The following NUMB variants were observed in gnomAD, a reference collection of about 807,000 sequenced individuals.
The protein encoded by NUMB is NUMB endocytic adaptor protein.
A neutral mutation model predicts 59.7 loss-of-function variants in NUMB; 29 were observed. That is an observed-to-expected ratio of 0.49 (90% CI 0.36 to 0.66). NUMB has a LOEUF of 0.66. NUMB is among the 30% of genes least tolerant of loss of function. The pLI is 0.00. For missense variants in NUMB, 723 were observed against 822.0 expected, an observed-to-expected ratio of 0.88 and a Z score of 1.47; for synonymous variants, 288 against 288.2, an observed-to-expected ratio of 1.00 and a Z score of 0.01.
At chr14:73,444,684 C>T (rs1041514424) in intron 1 of NUMB, among the ~76,000 whole-genome samples, 1 of 151,430 alleles carries the variant, frequency 6.6e-6, no homozygotes, top group African/African-American at 2.4e-5. Context: ...ATGGTGAAAC[C>T]CATCTCTACT....
At chr14:73,423,950 A>G (rs1897467615) in intron 1 of NUMB, among the ~76,000 whole-genome samples, 1 of 126,880 alleles carries the variant, frequency 7.9e-6, no homozygotes, top group African/African-American at 3.1e-5. Context: ...TGGGTGACAG[A>G]GTGAGACCCT....
intron 2 of NUMB, among the ~76,000 whole-genome samples, chr14:73,391,707 C>T (rs1895862005): frequency 6.6e-6 from 1 of 152,088 alleles, no homozygotes; most frequent in African/African-American, 2.4e-5. Flanking sequence ...ACTAACAAGC[C>T]CCTAGATGGT....
chr14:73,393,000 C>A (rs1361985679), intron 2 of NUMB, among the ~76,000 whole-genome samples: 1 of 152,040 alleles, frequency 6.6e-6, no homozygotes, highest in African/African-American at 2.4e-5. Flanking sequence ...ACGTCAGATT[C>A]TGCAAGAAGG....
chr14:73,354,294 A>G (rs1372872529), intron 4 of NUMB, among the ~76,000 whole-genome samples: 1 of 152,074 alleles, frequency 6.6e-6, no homozygotes, highest in African/African-American at 2.4e-5. Context: ...AGATCACTTG[A>G]GGTCAGGAGT....
chr14:73,327,984 TATC>T (rs1415268339), intron 4 of NUMB, among the ~76,000 whole-genome samples: 1 of 152,112 alleles, frequency 6.6e-6, no homozygotes, highest in African/African-American at 2.4e-5. Context: ...TTTAAAGAAT[TATC>T]ATATTGGCTG....
intron 1 of NUMB, among the ~76,000 whole-genome samples, chr14:73,446,169 G>A (rs1352462848): frequency 6.6e-6 from 1 of 151,374 alleles, no homozygotes; most frequent in African/African-American, 2.4e-5. Context: ...GCTAATTTTT[G>A]TATTTTTAGT....
rs1888089254 is a variant in NUMB, at chr14:73,275,437, T to TC, written c.*1140dup. 6.6e-6 allele frequency: 1 copy of TC among 151,786 alleles called. No homozygotes were observed. Among genetic ancestry groups the TC allele is most frequent in the Non-Finnish European group, 1.5e-5 (1 of 67,888 alleles). The allele number at this position is 151,786 out of a possible 1,614,324, so 9.4% of individuals were successfully genotyped here. On this transcript the variant is annotated 3_prime_UTR_variant, in exon 13 of 13. Coordinates refer to ENST00000555238, the MANE Select transcript of NUMB (RefSeq NM_001005743.2). The stretch of plus-strand genomic sequence containing the variant: ...ACACACAAAGCTAATAAAACCAGAA[T>TC]CCCCATCCCCACAAAACTCATGGGA...
intron 3 of NUMB, among the ~76,000 whole-genome samples, chr14:73,361,418 C>T (rs1042811136): frequency 4.6e-5 from 7 of 152,062 alleles, no homozygotes; most frequent in African/African-American, 1.7e-4. Flanking sequence ...TATGATTATA[C>T]ATAGATTCTT....
rs3028731 is a variant in NUMB at position 73,395,037 on chromosome 14, T to TTGTGTGTGTGTGTGTGTGTG, written c.-101+14880_-101+14899dup. Among the ~76,000 whole-genome samples, 91 of 119,982 alleles carry TTGTGTGTGTGTGTGTGTGTG rather than the reference T, an allele frequency of 7.6e-4. 2 individuals are homozygous for TTGTGTGTGTGTGTGTGTGTG. The highest frequency in any genetic ancestry group is 1.0e-3 in the Non-Finnish European group (61 of 58,588). 78.7% of individuals were successfully genotyped at this position (119,982 alleles called of 152,430 possible). ...TTAAGGTTGAATAGTATTCGTGTGT[T>TTGTGTGTGTGTGTGTGTGTG]TGTGTGTGTGTGTGTGTGTGTGTGT... On this transcript the variant is annotated intron_variant, in intron 2 of 12. Transcript: ENST00000555238.
chr14:73,355,221 A>C (rs901093278), intron 4 of NUMB, among the ~76,000 whole-genome samples: 15 of 152,140 alleles, frequency 9.9e-5, no homozygotes, highest in Non-Finnish European at 2.1e-4. Context: ...AACTCTTCTC[A>C]TTTAAGGATT....
In NUMB at chr14:73,329,312, G is replaced by GT. The variant is rs1409312724; in HGVS notation, c.127-6109dup. ...TCTCAGAGGTTTTTTGATTTAGATT[G>GT]TAAGTGCCACAATGGTAGGAAACTT... is the stretch of plus-strand genomic sequence containing the variant. On this transcript the variant is annotated intron_variant, in intron 4 of 12. Coordinates refer to ENST00000555238, the MANE Select transcript of NUMB (RefSeq NM_001005743.2). Among the ~76,000 whole-genome samples the GT allele has an allele frequency of 5.3e-5, 8 of 152,270 alleles. 1 individual carries two copies. The South Asian group carries it at 1.7e-3, about 32-fold the overall frequency.
chr14:73,452,658 T>C (rs1052720677), intron 1 of NUMB, among the ~76,000 whole-genome samples: 3 of 152,188 alleles, frequency 2.0e-5, no homozygotes, highest in African/African-American at 7.2e-5. Flanking sequence ...ACTGGGGGTC[T>C]CTTCCTAATC....
chr14:73,286,752 T>G, intron 9 of NUMB: 1 of 299,264 alleles, frequency 3.3e-6, no homozygotes, highest in South Asian at 3.5e-5. Flanking sequence ...CCCTGGGACC[T>G]CTGCTGCTTC....
intron 7 of NUMB, 65 bp from the exon 8 acceptor site, chr14:73,292,939 G>C (rs1889491518): frequency 6.6e-7 from 1 of 1,510,902 alleles, no homozygotes; most frequent in African/African-American, 1.4e-5. Context: ...TCAGAACACA[G>C]GATGTTCATT....
chr14:73,322,774 G>A (rs17182356), intron 5 of NUMB: 23,951 of 152,528 alleles, frequency 0.16, 2,716 homozygotes, highest in Non-Finnish European at 0.23. Context: ...AAATTTAAAC[G>A]GCTCATCTAA....
At chr14:73,400,380 A>G (rs1477930567) in intron 2 of NUMB, among the ~76,000 whole-genome samples, 2 of 152,216 alleles carry the variant, frequency 1.3e-5, no homozygotes, top group Non-Finnish European at 2.9e-5. Context: ...AAAATCCTTG[A>G]AAGTACAACA....
At chr14:73,351,375 G>A (rs1893250526) in intron 4 of NUMB, among the ~76,000 whole-genome samples, 1 of 152,160 alleles carries the variant, frequency 6.6e-6, no homozygotes, top group Non-Finnish European at 1.5e-5. Flanking sequence ...GGGAGGCTAA[G>A]GCAGGAGCAT....
chr14:73,323,418 A>G (rs1410046395), intron 4 of NUMB, among the ~76,000 whole-genome samples: 3 of 152,238 alleles, frequency 2.0e-5, no homozygotes, highest in Admixed American at 6.5e-5. Flanking sequence ...AGTGAAAAAG[A>G]GTTCAGATAA....
intron 2 of NUMB, among the ~76,000 whole-genome samples, chr14:73,399,098 CTT>C (rs1254392568): frequency 4.0e-5 from 6 of 151,174 alleles, no homozygotes; most frequent in African/African-American, 1.5e-4. Flanking sequence ...TCCATAATTC[CTT>C]TTTTTGATCA....
Sources: gnomAD v4.1 joint callset for allele counts (sites outside exome capture counted in the v4.1 genomes callset) on GRCh38, gnomAD v4.1.1 for gene constraint, MANE v1.5 for transcripts, NCBI Gene and HGNC (gene_info 2026-07-23, HGNC 2026-07-21) for gene names.